The following ERG variants were observed in gnomAD, a reference collection of about 807,000 sequenced individuals.
ERG encodes the protein transcriptional regulator ERG.
Under a neutral mutation model 55.3 loss-of-function variants are expected in ERG, and 9 were observed. That is an observed-to-expected ratio of 0.16 (90% confidence interval 0.10 to 0.28). ERG has a LOEUF of 0.28. Among genes scored for constraint, ERG ranks in the 10% least tolerant of loss-of-function variants. ERG has a pLI of 1.00. For synonymous variants in ERG, 223 were observed against 237.3 expected (o/e 0.94, Z 0.55); for missense variants, 434 against 631.6 (o/e 0.69, Z 3.35).
At chr21:38,521,546 T>C (rs1051561365) in intron 2 of ERG, among the ~76,000 whole-genome samples, 4 of 152,052 alleles carry the variant, frequency 2.6e-5, no homozygotes, top group Admixed American at 6.6e-5. Context: ...TTCAGGGTGA[T>C]TGGGAAAAAT....
intron 1 of ERG, among the ~76,000 whole-genome samples, chr21:38,455,078 TATAAC>T (rs1292055198): frequency 6.6e-6 from 1 of 150,910 alleles, no homozygotes; most frequent in Non-Finnish European, 1.5e-5. Context: ...ACCATGGTCT[TATAAC>T]ATAATGTTCT....
chr21:38,430,866 C>T (rs1388189033), intron 2 of ERG, among the ~76,000 whole-genome samples: 1 of 152,170 alleles, frequency 6.6e-6, no homozygotes, highest in African/African-American at 2.4e-5. Flanking sequence ...ACCTCTGCAG[C>T]AATCTCACAC....
upstream of ERG, chr21:38,498,548 C>T (rs2059398158): frequency 1.5e-6 from 2 of 1,350,054 alleles, no homozygotes; most frequent in East Asian, 3.0e-5. The surrounding 1 kb of genome is among the most constrained non-coding windows in gnomAD (Gnocchi z 4.6). Flanking sequence ...CCTGGCTGTC[C>T]AGCCCAAAGA....
chr21:38,392,260 A>G (rs1390185993), intron 7 of ERG, 116 bp downstream of exon 7: 15 of 873,120 alleles, frequency 1.7e-5, no homozygotes, highest in Non-Finnish European at 1.1e-5. Flanking sequence ...TCAATGGAAC[A>G]AACCCATCAC....
chr21:38,423,431 G>A lies in ERG; in HGVS notation c.367C>T (p.Arg123Cys), dbSNP rs187337793. 2.1e-5 allele frequency: 34 copies of A among 1,613,808 alleles called. No individual in the cohort carries two copies. Among genetic ancestry groups the A allele is most frequent in the East Asian group, 4.5e-5 (2 of 44,856 alleles). ...MPPPNMTTNE[R>C]RVIVPADPTL... ...TGACCTGCTGGCACGATAACTCTGC[G>A]CTCGTTCGTGGTCATGTTTGGGGGT... Residue 123 changes from arginine (R) to cysteine (C), a missense_variant, in exon 3 of 10, where the codon CGC (arginine) becomes TGC (cysteine). Arg to Cys is a radical substitution (Grantham distance 180). Around this residue, in one of 5 missense-constraint regions of ERG, gnomAD observed 212 missense variants for 262.9 expected, o/e 0.81. Transcript: ENST00000288319.
At chr21:38,538,069 A>G (rs2059724669) in intron 2 of ERG, among the ~76,000 whole-genome samples, 1 of 152,214 alleles carries the variant, frequency 6.6e-6, no homozygotes, top group Non-Finnish European at 1.5e-5. Context: ...TAAGCCATCC[A>G]CAAAAGGACA....
At chr21:38,432,800 T>C (rs1169311529) in intron 2 of ERG, among the ~76,000 whole-genome samples, 2 of 152,216 alleles carry the variant, frequency 1.3e-5, no homozygotes, top group Non-Finnish European at 2.9e-5. Context: ...TAGATAGTCA[T>C]GGTCTCGACT....
chr21:38,583,972 T>G (rs938957741), intron 1 of ERG, among the ~76,000 whole-genome samples: 4 of 152,152 alleles, frequency 2.6e-5, no homozygotes, highest in African/African-American at 9.7e-5. Context: ...GGAAATCACC[T>G]CTATGGAGGG....
chr21:38,434,031 T>C (rs897312631), intron 2 of ERG, among the ~76,000 whole-genome samples: 15 of 152,100 alleles, frequency 9.9e-5, no homozygotes, highest in African/African-American at 3.6e-4. Flanking sequence ...ACCAGAGTGC[T>C]CTCCCCCAAA....
upstream of ERG, chr21:38,498,538 C>T (rs2059398070): frequency 7.3e-7 from 1 of 1,375,928 alleles, no homozygotes; most frequent in East Asian, 2.9e-5. This position sits in a 1 kb window ranked among gnomAD's most constrained non-coding sequence, Gnocchi z 4.6. Context: ...TTCTATTGGT[C>T]CTGGCTGTCC....
intron 3 of ERG, among the ~76,000 whole-genome samples, chr21:38,405,918 C>T (rs1013213355): frequency 2.0e-5 from 3 of 151,990 alleles, no homozygotes; most frequent in Non-Finnish European, 2.9e-5. Flanking sequence ...TTTGGGAGGC[C>T]GAGGCGGGTG....
At chr21:38,596,207 A>G (rs927642249) in intron 1 of ERG, among the ~76,000 whole-genome samples, 11 of 152,214 alleles carry the variant, frequency 7.2e-5, no homozygotes, top group Admixed American at 5.2e-4. Context: ...GTGCAGGCAG[A>G]GCCTTTCATA....
At chr21:38,440,070 A>T (rs1000282448) in intron 2 of ERG, among the ~76,000 whole-genome samples, 5 of 152,278 alleles carry the variant, frequency 3.3e-5, no homozygotes, top group African/African-American at 1.2e-4. Context: ...GTAACAGCCC[A>T]CAAGTTCTAG....
At chr21:38,456,730 T>C (rs1601429279) in intron 1 of ERG, among the ~76,000 whole-genome samples, 2 of 152,344 alleles carry the variant, frequency 1.3e-5, no homozygotes, top group East Asian at 3.9e-4. Context: ...TGCCAAGGTC[T>C]TTCTTCAGCT....
intron 3 of ERG, among the ~76,000 whole-genome samples, chr21:38,412,134 G>A (rs1463126023): frequency 6.6e-6 from 1 of 151,984 alleles, no homozygotes. Context: ...TTTTAGTCTA[G>A]TCTATCACTC....
intron 1 of ERG, among the ~76,000 whole-genome samples, chr21:38,611,186 C>T (rs982656928): frequency 4.7e-4 from 71 of 152,200 alleles, no homozygotes; most frequent in African/African-American, 8.7e-4. Context: ...TCCACTGCAA[C>T]GTCCCTGGTC....
At chr21:38,654,400 C>CCCA (rs1247110393) in intron 1 of ERG, among the ~76,000 whole-genome samples, 1 of 152,166 alleles carries the variant, frequency 6.6e-6, no homozygotes, top group African/African-American at 2.4e-5. Flanking sequence ...TGCACCCAGG[C>CCCA]GGTGGAGGCT....
chr21:38,449,053 G>A (rs2058917488), intron 1 of ERG: 3 of 152,246 alleles, frequency 2.0e-5, no homozygotes, highest in Admixed American at 2.0e-4. Flanking sequence ...AAGGTAGGCA[G>A]CTGCCTTAGT....
intron 1 of ERG, among the ~76,000 whole-genome samples, chr21:38,467,971 T>A (rs1187796163): frequency 6.6e-6 from 1 of 152,252 alleles, no homozygotes; most frequent in Non-Finnish European, 1.5e-5. Flanking sequence ...GGGAGATATG[T>A]AAGCCTTTGT....
Sources: allele counts gnomAD v4.1 joint callset (sites outside exome capture counted in the v4.1 genomes callset), GRCh38; gene constraint gnomAD v4.1.1; regional missense constraint gnomAD v4.1.1; non-coding constraint Gnocchi (gnomAD v3.1); transcripts MANE v1.5; gene names NCBI Gene and HGNC (gene_info 2026-07-23, HGNC 2026-07-21).